TEP1: variants seen among roughly 807,000 people sequenced by gnomAD.
TEP1 encodes the protein telomerase associated protein 1.
A neutral mutation model predicts 306.3 loss-of-function variants in TEP1; 241 were observed. The ratio of observed to expected loss-of-function variants is 0.79; its 90% CI spans 0.71 to 0.88. The LOEUF (loss-of-function observed/expected upper bound fraction) is 0.88, where lower values mean the gene tolerates loss of function less well. TEP1 is among the 40% of genes least tolerant of loss of function. The pLI, the probability that TEP1 is intolerant of heterozygous loss-of-function variation, is 0.00. For synonymous variants in TEP1, 1,289 were observed against 1,305.5 expected (o/e 0.99, Z 0.27); for missense variants, 3,051 against 3,276.1 (o/e 0.93, Z 1.68).
At chr14:20,373,247 G>A in intron 47 of TEP1, 23 bp downstream of exon 47, 1 of 1,613,186 alleles carries the variant, frequency 6.2e-7, no homozygotes, top group Non-Finnish European at 8.5e-7. Context: ...AACACACCCT[G>A]TCTCTCTCCA....
Position 20,376,118 on chromosome 14 carries a change from C to A in TEP1, c.6235G>T (p.Gly2079Trp), listed in dbSNP as rs201759110. The A allele has an allele frequency of 6.2e-7, 1 of 1,614,014 alleles. No homozygotes were observed. The highest frequency in any genetic ancestry group is 1.7e-5 in the Admixed American group (1 of 60,004). The change falls in exon 42 of 55, where the codon GGG becomes TGG. Residue 2079 changes from glycine (G) to tryptophan (W), a missense_variant. Gly to Trp is a radical substitution (Grantham distance 184). This residue lies in a region of TEP1 where 1,540 missense variants were observed against 1,705.9 expected (regional missense o/e 0.90). Transcript: ENST00000262715. ...FSTDGGSLAT[G>W]GRDRSLLCWD... is the part of the protein sequence containing the mutation. ...CTGCAGCTCACCCGATCCCGGCCCC[C>A]GGTGGCCAGGCTGCCTCCATCAGTG... is the stretch of plus-strand genomic sequence containing the variant.
chr14:20,378,182 C>T lies in TEP1; in HGVS notation c.5563G>A (p.Gly1855Arg). 6.2e-7 allele frequency: 1 copy of T among 1,613,888 alleles called. No homozygotes were observed. Among genetic ancestry groups the T allele is most frequent in the Non-Finnish European group, 8.5e-7 (1 of 1,180,036 alleles). Residue 1855 changes from glycine (G) to arginine (R), a missense_variant, in exon 39 of 55, where the codon GGG (glycine) becomes AGG (arginine). Around this residue, in one of 3 missense-constraint regions of TEP1, gnomAD observed 1,540 missense variants for 1,705.9 expected, o/e 0.90. Transcript: ENST00000262715. ...IRTLAFNVPGGVVAVGRLDSM... is the reference protein window; with the variant it reads ...IRTLAFNVPGRVVAVGRLDSM... ...TCCAGCCGGCCCACAGCCACAACCC[C>T]CCCAGGCACATTGAAGGCCAAGGTA...
At chr14:20,386,807 T>G (rs1842439297) in intron 18 of TEP1, among the ~76,000 whole-genome samples, 184 bp from the exon 19 acceptor site, 1 of 152,210 alleles carries the variant, frequency 6.6e-6, no homozygotes, top group African/African-American at 2.4e-5. Flanking sequence ...TGGAATTTAA[T>G]GCCCACTTGC....
Position 20,382,057 on chromosome 14 carries a change from G to A in TEP1, c.4280C>T (p.Thr1427Ile), listed in dbSNP as rs1290854825. 6.2e-7 allele frequency: 1 copy of A among 1,613,994 alleles called. No homozygotes were observed. Among genetic ancestry groups the A allele is most frequent in the Non-Finnish European group, 8.5e-7 (1 of 1,180,020 alleles). ...CAGCACTCCGTGCAGCTGGTCCACA[G>A]TCAAACCTGAAAACTCAAGCTCTCT... Reference protein sequence around the residue: ...TALEVTRSGLTVDQLHGVLSV... With the variant: ...TALEVTRSGLIVDQLHGVLSV... The change falls in exon 30 of 55, where the codon ACT becomes ATT. Residue 1427 changes from threonine (T) to isoleucine (I), a missense_variant. Transcript: ENST00000262715.
In TEP1 at chr14:20,401,226, G is replaced by A. The variant is rs73587012; in HGVS notation, c.1392-85C>T. 7.9e-3 allele frequency: 11,932 copies of A among 1,512,112 alleles called. 519 individuals carry two copies. The African/African-American group carries it at 0.12, about 15-fold the overall frequency. 93.7% of individuals were successfully genotyped at this position (1,512,112 alleles called of 1,614,324 possible). On this transcript the variant is annotated intron_variant, in intron 8 of 54. Transcript: ENST00000262715. ...AAGGAAAGGTGAGTCATGTTTACAG[G>A]GCATGTCTGCCCAAATATGCCTAAA...
At chr14:20,385,849 A>G (rs894110822) in intron 20 of TEP1, among the ~76,000 whole-genome samples, 1 of 152,170 alleles carries the variant, frequency 6.6e-6, no homozygotes, top group Non-Finnish European at 1.5e-5. Flanking sequence ...ACCTAAGCAG[A>G]CCCACCCTCT....
At chr14:20,374,990 C>T (rs907254007) in intron 43 of TEP1, among the ~76,000 whole-genome samples, 1 of 151,356 alleles carries the variant, frequency 6.6e-6, no homozygotes, top group African/African-American at 2.4e-5. Context: ...ACTCAGGAGG[C>T]TGAGGCAGGA....
chr14:20,384,117 G>C lies in TEP1; in HGVS notation c.3455C>G (p.Thr1152Arg), dbSNP rs2139071577. ...SPARPRLLQD[T>R]VQRLMLPHGR... is the part of the protein sequence containing the mutation. ...GTGGGGCAGCATCAGCCGTTGCACTGTGTCCTGAAGAAGGCGTGGCCGGGC... is the reference window on the plus strand; with the variant it reads ...GTGGGGCAGCATCAGCCGTTGCACTCTGTCCTGAAGAAGGCGTGGCCGGGC... The change falls in exon 24 of 55, where the codon ACA becomes AGA. Residue 1152 changes from threonine to arginine, a missense_variant. This residue lies in a region of TEP1 where 1,507 missense variants were observed against 1,550.5 expected (regional missense o/e 0.97). Transcript: ENST00000262715. 6.2e-7 allele frequency: 1 copy of C among 1,614,078 alleles called. No individual in the cohort carries two copies. Among genetic ancestry groups the C allele is most frequent in the East Asian group, 2.2e-5 (1 of 44,874 alleles).
At position 20,401,519 on chromosome 14, in the gene TEP1, C is replaced by G; in HGVS notation, c.1329G>C (p.Lys443Asn). ...TGTGGATGTGCAGTCGCTGAACCAGCTTCTTCAGGGTGAACCTTGGAGGAT... is the reference window on the plus strand; with the variant it reads ...TGTGGATGTGCAGTCGCTGAACCAGGTTCTTCAGGGTGAACCTTGGAGGAT... The part of the protein sequence containing the change: ...KKNPPRFTLK[K>N]LVQRLHIHKP... Residue 443 changes from lysine to asparagine, a missense_variant, in exon 8 of 55, where the codon AAG (lysine) becomes AAC (asparagine). Physicochemically the swap from Lys to Asn is moderately conservative, Grantham distance 94 (BLOSUM62 0). Around this residue, in one of 3 missense-constraint regions of TEP1, gnomAD observed 1,507 missense variants for 1,550.5 expected, o/e 0.97. Coordinates refer to ENST00000262715, the MANE Select transcript of TEP1 (RefSeq NM_007110.5). The G allele has an allele frequency of 6.2e-7, 1 of 1,614,234 alleles. No homozygotes were observed.
chr14:20,391,572 C>G, intron 13 of TEP1, 27 bp downstream of exon 13: 1 of 1,603,098 alleles, frequency 6.2e-7, no homozygotes. Flanking sequence ...AACCCAACCC[C>G]TTGGAGGATG....
In TEP1 at chr14:20,373,359, C is replaced by T. The variant is rs748025044; in HGVS notation, c.6725G>A (p.Arg2242His). Residue 2242 changes from arginine to histidine, a missense_variant, in exon 47 of 55, where the codon CGT (arginine) becomes CAT (histidine). Transcript: ENST00000262715. Reference sequence around the variant, plus strand: ...TGAGGTTTCTGAAACAGCAGCAGCACGGACTGGGCCGCTGTGTCCCAGGAG... The same window carrying T: ...TGAGGTTTCTGAAACAGCAGCAGCATGGACTGGGCCGCTGTGTCCCAGGAG... ...HTLLGHSGPV[R>H]AAAVSETSGL... 24 of 1,614,062 alleles carry T rather than the reference C, an allele frequency of 1.5e-5. No homozygotes were observed. Among genetic ancestry groups the T allele is most frequent in the African/African-American group, 2.7e-5 (2 of 74,924 alleles).
chr14:20,410,875 G>T (rs1879634665), intron 1 of TEP1, among the ~76,000 whole-genome samples: 1 of 140,104 alleles, frequency 7.1e-6, no homozygotes. Context: ...TGGCTGGAGT[G>T]CAGTCGCACA....
Position 20,378,037 on chromosome 14 carries a change from C to A in TEP1, c.5708G>T (p.Gly1903Val), listed in dbSNP as rs1297529244. 6.2e-7 allele frequency: 1 copy of A among 1,613,340 alleles called. No individual in the cohort carries two copies. The highest frequency in any genetic ancestry group is 2.2e-5 in the East Asian group (1 of 44,868). ...LHAGCQLLTA[G>V]EDGKVQVWSG... ...CTGCAAGCTGACCTTGCCATCCTCT[C>A]CAGCCGTCAGTAACTGGCAACCCGC... The change falls in exon 39 of 55, where the codon GGA (glycine) becomes GTA (valine). Residue 1903 changes from glycine (G) to valine (V), a missense_variant. Physicochemically the swap from Gly to Val is moderately radical, Grantham distance 109. Coordinates refer to ENST00000262715, the MANE Select transcript of TEP1 (RefSeq NM_007110.5).
chr14:20,387,544 T>C (rs1176490631), intron 18 of TEP1, among the ~76,000 whole-genome samples: 1 of 82,936 alleles, frequency 1.2e-5, no homozygotes, highest in Non-Finnish European at 2.4e-5. Context: ...ACAGCGAGAC[T>C]CCGTCTCAAA....
Position 20,383,142 on chromosome 14 carries a change from A to G in TEP1, c.4047+32T>C, listed in dbSNP as rs375860266. ...TCCTCATAGCTCCCAGATTCACCCC[A>G]CACACCCACCGGCCCCGGCCTAGAA... is the stretch of plus-strand genomic sequence containing the variant. On this transcript the variant is annotated intron_variant, in intron 27 of 54. Coordinates refer to ENST00000262715, the MANE Select transcript of TEP1 (RefSeq NM_007110.5). 3.9e-6 allele frequency: 6 copies of G among 1,554,400 alleles called. No homozygotes were observed. The African/African-American group carries it at 5.5e-5, about 14-fold the overall frequency.
At chr14:20,369,918 ATTT>A in intron 51 of TEP1, 139 bp from the exon 52 acceptor site, 3 of 513,260 alleles carry the variant, frequency 5.8e-6, no homozygotes, top group Non-Finnish European at 1.0e-5. Context: ...AAGTGCGCAA[ATTT>A]TTTTTTTTTT....
chr14:20,388,797 T>C (rs1249764535), intron 17 of TEP1, among the ~76,000 whole-genome samples: 1 of 152,188 alleles, frequency 6.6e-6, no homozygotes, highest in Non-Finnish European at 1.5e-5. Flanking sequence ...CCTGTGACAC[T>C]GTGTTGCTGC....
intron 2 of TEP1, among the ~76,000 whole-genome samples, chr14:20,407,584 G>A (rs371337365): frequency 5.9e-5 from 9 of 152,240 alleles, no homozygotes; most frequent in East Asian, 3.9e-4. Context: ...CAAGTGATCC[G>A]CCCGCCTTGG....
chr14:20,408,072 G>C lies in TEP1; in HGVS notation c.368C>G (p.Ser123Cys), dbSNP rs201688770. Residue 123 changes from serine (S) to cysteine (C), a missense_variant, in exon 2 of 55, where the codon TCT becomes TGT. Physicochemically the swap from Ser to Cys is moderately radical, Grantham distance 112. Transcript: ENST00000262715. ...TAGACTCTGGAACAAGGGGCTGGCA[G>C]ACACAGTGCTCTTTAGACTAGAGAG... ...ATLSSLKSTV[S>C]ASPLFQSLQI... The C allele has an allele frequency of 9.9e-6, 16 of 1,614,220 alleles. No homozygotes were observed. The Admixed American group carries it at 2.5e-4, about 25-fold the overall frequency.
Sources: gnomAD v4.1 joint callset for allele counts (sites outside exome capture counted in the v4.1 genomes callset) on GRCh38, gnomAD v4.1.1 for gene constraint, gnomAD v4.1.1 regional missense constraint, MANE v1.5 for transcripts, NCBI Gene and HGNC (gene_info 2026-07-23, HGNC 2026-07-21) for gene names.